AP4M1: variants seen among roughly 807,000 people sequenced by gnomAD.
AP4M1 encodes adaptor related protein complex 4 subunit mu 1, also known as AP-4 complex subunit mu-1.
AP4M1 carries 58 observed loss-of-function variants against 62.4 expected under a neutral mutation model. The observed-to-expected ratio is 0.93, with a 90% CI of 0.75 to 1.16. The LOEUF is 1.16. AP4M1 is among the 50% of genes most tolerant of loss of function. The probability of loss-of-function intolerance (pLI) is 0.00; values close to 1 mark genes in which losing one functional copy is unlikely to be tolerated. For synonymous variants in AP4M1, 290 were observed against 239.7 expected (o/e 1.21, Z -1.94); for missense variants, 626 against 585.4 (o/e 1.07, Z -0.72).
At position 100,106,491 on chromosome 7, in the gene AP4M1, T is replaced by C; in HGVS notation, c.1114T>C (p.Ser372Pro). The change falls in exon 14 of 15, where the codon TCT (serine) becomes CCT (proline). Residue 372 changes from serine (S) to proline (P), a missense_variant. By Grantham distance (74) the Ser-to-Pro change is moderately conservative (BLOSUM62 -1). Transcript: ENST00000359593. ...RWDLPRVQGG[S>P]QLSGLFQMDV... ...GGACCTGCCTCGGGTGCAAGGAGGC[T>C]CTCAACTCTCAGGCCTTTTCCAGGT... is the stretch of plus-strand genomic sequence containing the variant. 1.2e-6 allele frequency: 2 copies of C among 1,613,010 alleles called. No homozygotes were observed. Among genetic ancestry groups the C allele is most frequent in the Non-Finnish European group, 1.7e-6 (2 of 1,179,866 alleles).
In AP4M1 at chr7:100,108,922, G is replaced by T. The variant is rs1796873117; in HGVS notation, c.*2040G>T. On this transcript the variant is annotated 3_prime_UTR_variant, in exon 15 of 15. Transcript: ENST00000359593. ...ACCTGTAGTCCCAGCTACTGGGGAG[G>T]TTGAGGTACTAGAATGCTTGAACCC... The T allele has an allele frequency of 6.0e-6, 1 of 167,430 alleles. No homozygotes were observed. The highest frequency in any genetic ancestry group is 1.3e-5 in the Non-Finnish European group (1 of 77,838). 10.4% of individuals were successfully genotyped at this position (167,430 alleles called of 1,614,324 possible).
In AP4M1 at chr7:100,103,604, C is replaced by T; in HGVS notation, c.463-8C>T. On this transcript the variant is annotated splice_polypyrimidine_tract_variant and splice_region_variant and intron_variant, in intron 5 of 14. Transcript: ENST00000359593. ...ACCTGATGATTGATTGCTTTGGATG[C>T]TTTACAGTTTGGGGCTGAGACACAA... 6.2e-7 allele frequency: 1 copy of T among 1,614,096 alleles called. No individual in the cohort carries two copies. The highest frequency in any genetic ancestry group is 8.5e-7 in the Non-Finnish European group (1 of 1,180,038).
At chr7:100,102,815 G>A in intron 3 of AP4M1, 34 bp downstream of exon 3, 3 of 1,613,364 alleles carry the variant, frequency 1.9e-6, no homozygotes, top group Non-Finnish European at 8.5e-7. Flanking sequence ...CTGGTAGCTA[G>A]GAGGGGTCTG....
intron 2 of AP4M1, chr7:100,102,283 C>T (rs1335937565): frequency 9.2e-6 from 5 of 545,828 alleles, no homozygotes; most frequent in African/African-American, 1.9e-5. Flanking sequence ...CCCATCTACT[C>T]GGGAAGCTGA....
chr7:100,105,733 G>C (rs1020967242), intron 11 of AP4M1, among the ~76,000 whole-genome samples, 194 bp downstream of exon 11: 2 of 151,590 alleles, frequency 1.3e-5, no homozygotes, highest in Non-Finnish European at 2.9e-5. Context: ...GATCACTTGA[G>C]CCCAGGAGTT....
upstream of AP4M1, chr7:100,100,985 G>A: frequency 1.1e-6 from 1 of 907,786 alleles, no homozygotes; most frequent in Non-Finnish European, 1.6e-6. Context: ...ACTTTTCCCT[G>A]TGCAGCCCCC....
At position 100,102,969 on chromosome 7, in the gene AP4M1, C is replaced by A; in HGVS notation, c.351+9C>A. 4 of 1,606,008 alleles carry A rather than the reference C, an allele frequency of 2.5e-6. No homozygotes were observed. The highest frequency in any genetic ancestry group is 3.4e-6 in the Non-Finnish European group (4 of 1,174,394). On this transcript the variant is annotated intron_variant, in intron 4 of 14. Transcript: ENST00000359593. ...TCCTGGATGAAGTGCTGGTGAGAAT[C>A]AACAATCCCCTTCTGTGGCCCCTAC...
chr7:100,106,046 G>A (rs79617997), intron 12 of AP4M1, 43 bp downstream of exon 12: 20 of 1,609,032 alleles, frequency 1.2e-5, no homozygotes, highest in African/African-American at 5.3e-5. Flanking sequence ...TCTATGGGAC[G>A]GAAGACAGGG....
chr7:100,106,559 G>GCAGCCCCCCCCCCCCCCCCCCC, intron 14 of AP4M1, 45 bp downstream of exon 14: 1 of 1,574,310 alleles, frequency 6.4e-7, no homozygotes, highest in Non-Finnish European at 8.7e-7. Flanking sequence ...ACATTCACTT[G>GCAGCCCCCCCCCCCCCCCCCCC]CAGCCCCCAC....
Position 100,106,886 on chromosome 7 carries a change from T to C in AP4M1, c.*4T>C. The stretch of plus-strand genomic sequence containing the variant: ...CGCCTATGTCATTCGGATCTGAGGC[T>C]CCCCAAACGAGGACACGACGGCCAA... On this transcript the variant is annotated 3_prime_UTR_variant, in exon 15 of 15. Transcript: ENST00000359593. 1 of 1,611,760 alleles carries C rather than the reference T, an allele frequency of 6.2e-7. No homozygotes were observed. Among genetic ancestry groups the C allele is most frequent in the South Asian group, 1.1e-5 (1 of 91,040 alleles).
rs1424460894 is a variant in AP4M1 at position 100,102,890 on chromosome 7, G to C, written c.281G>C (p.Cys94Ser). The part of the protein sequence containing the change: ...SRLATLLGDY[C>S]GSLGEGTISR... ...TTGGCCACCCTTCTGGGCGATTACT[G>C]TGGCTCCCTGGGCGAGGGGACCATC... is the stretch of plus-strand genomic sequence containing the variant. Residue 94 changes from cysteine to serine, a missense_variant, in exon 4 of 15, where the codon TGT (cysteine) becomes TCT (serine). Coordinates refer to ENST00000359593, the MANE Select transcript of AP4M1 (RefSeq NM_004722.4). 7 of 1,613,968 alleles carry C rather than the reference G, an allele frequency of 4.3e-6. No homozygotes were observed. The highest frequency in any genetic ancestry group is 4.2e-6 in the Non-Finnish European group (5 of 1,180,018).
rs11766098 is a variant in AP4M1, at chr7:100,103,003, C to T, written c.351+43C>T. The T allele has an allele frequency of 6.1e-3, 9,289 of 1,531,604 alleles. 44 individuals are homozygous for T. Among genetic ancestry groups the T allele is most frequent in the Middle Eastern group, 7.7e-3 (44 of 5,696 alleles). 94.9% of individuals were successfully genotyped at this position (1,531,604 alleles called of 1,614,324 possible). On this transcript the variant is annotated intron_variant, in intron 4 of 14. Coordinates refer to ENST00000359593, the MANE Select transcript of AP4M1 (RefSeq NM_004722.4). ...CCTTCTGTGGCCCCTACCCAATTCC[C>T]CTGAAGATACATCTGCTCTTCTACT...
rs370214240 is a variant in AP4M1 at position 100,106,222 on chromosome 7, G to A, written c.975-19G>A. 9.9e-6 allele frequency: 16 copies of A among 1,614,064 alleles called. No individual in the cohort carries two copies. The highest frequency in any genetic ancestry group is 1.2e-5 in the Non-Finnish European group (14 of 1,179,990). The stretch of plus-strand genomic sequence containing the variant: ...ACTGTGCCTTCCTGGGGCTGACTTT[G>A]TTCCCGTCTCCTCTGTAGCCAAGCC... On this transcript the variant is annotated intron_variant, in intron 12 of 14. Coordinates refer to ENST00000359593, the MANE Select transcript of AP4M1 (RefSeq NM_004722.4).
In AP4M1 at chr7:100,105,894, G is replaced by A. The variant is rs147772912; in HGVS notation, c.930-65G>A. 402 of 1,567,334 alleles carry A rather than the reference G, an allele frequency of 2.6e-4. 4 individuals are homozygous for A. The East Asian group carries it at 4.6e-3, about 18-fold the overall frequency. ...CACACAGCCCCACATGGAGGTCCCT[G>A]GTGGGGAATGGTGAGATGCCAGTAG... On this transcript the variant is annotated intron_variant, in intron 11 of 14. Coordinates refer to ENST00000359593, the MANE Select transcript of AP4M1 (RefSeq NM_004722.4).
chr7:100,103,038 C>T (rs764764775), intron 4 of AP4M1, 78 bp downstream of exon 4: 11 of 1,132,598 alleles, frequency 9.7e-6, no homozygotes, highest in South Asian at 3.7e-5. Flanking sequence ...TGTGGGATGC[C>T]GTGGTTAGGA....
chr7:100,108,230 G>T lies in AP4M1; in HGVS notation c.*1348G>T. 6.9e-7 allele frequency: 1 copy of T among 1,453,954 alleles called. No individual in the cohort carries two copies. The highest frequency in any genetic ancestry group is 1.3e-5 in the South Asian group (1 of 74,306). The allele number at this position is 1,453,954 out of a possible 1,614,324, so 90.1% of individuals were successfully genotyped here. A position where few individuals can be genotyped will look rare whatever the true frequency, so the allele number is the denominator to read the frequency against. On this transcript the variant is annotated 3_prime_UTR_variant, in exon 15 of 15. Transcript: ENST00000359593. ...CTCTTCCTCAGTGGCTCTCACTAGGGCTGGGGCATCCTCACTCAGGGCCTG... is the reference window on the plus strand; with the variant it reads ...CTCTTCCTCAGTGGCTCTCACTAGGTCTGGGGCATCCTCACTCAGGGCCTG...
At position 100,107,501 on chromosome 7, in the gene AP4M1, G is replaced by T. The variant is rs1225106801; in HGVS notation, c.*619G>T. ...TCCCAGGACCAGAGGGAGCAGTGCT[G>T]GGGGGTGCGGTGGTGGCGGTGGAGA... is the stretch of plus-strand genomic sequence containing the variant. On this transcript the variant is annotated 3_prime_UTR_variant, in exon 15 of 15. Coordinates refer to ENST00000359593, the MANE Select transcript of AP4M1 (RefSeq NM_004722.4). 5 of 1,614,036 alleles carry T rather than the reference G, an allele frequency of 3.1e-6. No individual in the cohort carries two copies. The highest frequency in any genetic ancestry group is 3.4e-6 in the Non-Finnish European group (4 of 1,179,974).
chr7:100,103,416 G>A lies in AP4M1; in HGVS notation c.359G>A (p.Gly120Asp). 6.2e-7 allele frequency: 1 copy of A among 1,613,826 alleles called. No individual in the cohort carries two copies. Among genetic ancestry groups the A allele is most frequent in the Non-Finnish European group, 8.5e-7 (1 of 1,179,838 alleles). ...YELLDEVLDY[G>D]YVQTTSTEML... Reference sequence around the variant, plus strand: ...TCCTTCCTTTACCACTAGGACTATGGCTATGTACAGACCACATCCACGGAG... The same window carrying A: ...TCCTTCCTTTACCACTAGGACTATGACTATGTACAGACCACATCCACGGAG... The change falls in exon 5 of 15, where the codon GGC becomes GAC. Residue 120 changes from glycine to aspartate, a missense_variant. By Grantham distance (94) the Gly-to-Asp change is moderately conservative. Coordinates refer to ENST00000359593, the MANE Select transcript of AP4M1 (RefSeq NM_004722.4).
At chr7:100,102,400 G>A (rs1796122820) in intron 2 of AP4M1, 1 of 493,628 alleles carries the variant, frequency 2.0e-6, no homozygotes, top group Non-Finnish European at 3.5e-6. Flanking sequence ...CGGGGTAGGT[G>A]GGGGTGGGGA....
Sources: gnomAD v4.1 joint callset for allele counts (sites outside exome capture counted in the v4.1 genomes callset) on GRCh38, gnomAD v4.1.1 for gene constraint, MANE v1.5 for transcripts, NCBI Gene and HGNC (gene_info 2026-07-23, HGNC 2026-07-21) for gene names.